The following FOXN3 variants were observed in gnomAD, a reference collection of about 807,000 sequenced individuals.
FOXN3 encodes forkhead box protein N3.
In FOXN3, 7 loss-of-function variants were observed where a neutral mutation model predicts 38.4. That is an observed-to-expected ratio of 0.18 (90% CI 0.10 to 0.34). The LOEUF is 0.34. FOXN3 is among the 10% of genes least tolerant of loss of function. The probability of loss-of-function intolerance (pLI) is 1.00; values close to 1 mark genes in which losing one functional copy is unlikely to be tolerated. For missense variants in FOXN3, 456 were observed against 613.4 expected, an observed-to-expected ratio of 0.74 and a Z score of 2.71; for synonymous variants, 230 against 242.2, an observed-to-expected ratio of 0.95 and a Z score of 0.47.
At chr14:89,394,821 C>T (rs1006892989) in intron 2 of FOXN3, among the ~76,000 whole-genome samples, 2 of 152,174 alleles carry the variant, frequency 1.3e-5, no homozygotes, top group Non-Finnish European at 2.9e-5. Flanking sequence ...CTGTGAGACA[C>T]AGGAAAGGAC....
chr14:89,279,130 C>T lies in FOXN3; in HGVS notation c.745+1820G>A, dbSNP rs76862061. Among the ~76,000 whole-genome samples, 1,302 of 152,226 alleles carry T rather than the reference C, an allele frequency of 8.6e-3. 16 individuals are homozygous for T. Among genetic ancestry groups the T allele is most frequent in the African/African-American group, 0.03 (1,243 of 41,506 alleles). On this transcript the variant is annotated intron_variant, in intron 4 of 5. Transcript: ENST00000557258. Reference sequence around the variant, plus strand: ...ATGAATGTTAACAAATCTCTGCCCACCCTCCCAAGCTCTCATCAAGATTCT... The same window carrying T: ...ATGAATGTTAACAAATCTCTGCCCATCCTCCCAAGCTCTCATCAAGATTCT...
At chr14:89,558,290 G>A (rs551462944) in intron 1 of FOXN3, among the ~76,000 whole-genome samples, 16 of 152,240 alleles carry the variant, frequency 1.1e-4, no homozygotes, top group African/African-American at 3.4e-4. Flanking sequence ...CAGGCAAAAC[G>A]TAGTATGAAG....
intron 2 of FOXN3, among the ~76,000 whole-genome samples, chr14:89,382,277 G>A (rs751618945): frequency 5.3e-5 from 8 of 151,768 alleles, no homozygotes; most frequent in African/African-American, 1.2e-4. Context: ...ATTATAACCC[G>A]GCTGGACCGC....
chr14:89,411,888 T>TAAA, intron 2 of FOXN3, 46 bp downstream of exon 2: 9 of 1,005,216 alleles, frequency 9.0e-6, no homozygotes, highest in South Asian at 6.7e-5. Flanking sequence ...AATTTTAAAT[T>TAAA]AAAAAAAAAA....
At chr14:89,517,914 G>A (rs1894238117) in intron 1 of FOXN3, among the ~76,000 whole-genome samples, 2 of 152,192 alleles carry the variant, frequency 1.3e-5, no homozygotes, top group African/African-American at 4.8e-5. Context: ...GCTGAAACGT[G>A]TTAGAGCAAA....
chr14:89,608,378 G>T (rs1460347168), intron 1 of FOXN3, among the ~76,000 whole-genome samples: 1 of 152,270 alleles, frequency 6.6e-6, no homozygotes, highest in Non-Finnish European at 1.5e-5. Flanking sequence ...CTGACCTCGT[G>T]ATCTGCCCGC....
chr14:89,478,847 G>A (rs981324311), intron 1 of FOXN3, among the ~76,000 whole-genome samples: 16 of 144,610 alleles, frequency 1.1e-4, no homozygotes, highest in Non-Finnish European at 1.2e-4. Flanking sequence ...CACGAGAATC[G>A]CTTCAACCCA....
intron 3 of FOXN3, among the ~76,000 whole-genome samples, chr14:89,283,615 G>A (rs566160614): frequency 6.6e-6 from 1 of 152,184 alleles, no homozygotes; most frequent in Non-Finnish European, 1.5e-5. Flanking sequence ...CAAAAGCGGG[G>A]AGGGTGGGAG....
intron 1 of FOXN3, among the ~76,000 whole-genome samples, chr14:89,464,278 T>C (rs185079474): frequency 5.3e-5 from 8 of 152,112 alleles, no homozygotes; most frequent in African/African-American, 1.9e-4. Context: ...GACCTGGGAG[T>C]CCCTAAGCTA....
chr14:89,213,720 GTAA>G (rs1884174957), intron 4 of FOXN3, among the ~76,000 whole-genome samples: 1 of 152,196 alleles, frequency 6.6e-6, no homozygotes, highest in Non-Finnish European at 1.5e-5. Flanking sequence ...CTGAAGAGAG[GTAA>G]TAAATAAGGC....
intron 4 of FOXN3, among the ~76,000 whole-genome samples, chr14:89,275,782 G>T (rs1886281519): frequency 6.6e-6 from 1 of 152,220 alleles, no homozygotes; most frequent in African/African-American, 2.4e-5. Flanking sequence ...TCAACTTCAT[G>T]CACATTCTAC....
intron 1 of FOXN3, among the ~76,000 whole-genome samples, chr14:89,531,043 TTTA>T (rs1434632232): frequency 6.8e-6 from 1 of 147,846 alleles, no homozygotes; most frequent in African/African-American, 2.5e-5. Flanking sequence ...TATATACACA[TTTA>T]TTATATATAC....
At chr14:89,594,073 G>C (rs182034241) in intron 1 of FOXN3, among the ~76,000 whole-genome samples, 1 of 152,188 alleles carries the variant, frequency 6.6e-6, no homozygotes, top group South Asian at 2.1e-4. Context: ...TAAAGTATTT[G>C]TGTGTGTGCA....
At chr14:89,526,991 AG>A (rs1894444524) in intron 1 of FOXN3, among the ~76,000 whole-genome samples, 2 of 150,664 alleles carry the variant, frequency 1.3e-5, no homozygotes, top group South Asian at 4.3e-4. Flanking sequence ...TAGTAGAGAA[AG>A]GGAGTTTATT....
chr14:89,234,746 G>C (rs1310473109), intron 4 of FOXN3, among the ~76,000 whole-genome samples: 1 of 151,194 alleles, frequency 6.6e-6, no homozygotes, highest in Non-Finnish European at 1.5e-5. Flanking sequence ...TCAAGGGTTG[G>C]ACAGGTGTGA....
At chr14:89,259,723 G>A (rs1038322628) in intron 4 of FOXN3, among the ~76,000 whole-genome samples, 2 of 152,184 alleles carry the variant, frequency 1.3e-5, no homozygotes, top group East Asian at 1.9e-4. Flanking sequence ...AGATGGTAGT[G>A]AGCACCAAAG....
chr14:89,374,718 T>C (rs1890420160), intron 2 of FOXN3, among the ~76,000 whole-genome samples: 1 of 152,116 alleles, frequency 6.6e-6, no homozygotes, highest in East Asian at 1.9e-4. Flanking sequence ...ATGCCTGTAA[T>C]CCCAGCACTT....
chr14:89,518,735 G>A (rs180950824), intron 1 of FOXN3, among the ~76,000 whole-genome samples: 2 of 152,332 alleles, frequency 1.3e-5, no homozygotes, highest in African/African-American at 4.8e-5. Flanking sequence ...TAAAGAATAA[G>A]TTCTGCTGTG....
At chr14:89,310,722 C>T (rs1288433373) in intron 3 of FOXN3, among the ~76,000 whole-genome samples, 1 of 152,102 alleles carries the variant, frequency 6.6e-6, no homozygotes, top group African/African-American at 2.4e-5. Context: ...ATAAAAGAGC[C>T]TTATTACCTA....
Sources: gnomAD v4.1 joint callset for allele counts (sites outside exome capture counted in the v4.1 genomes callset) on GRCh38, gnomAD v4.1.1 for gene constraint, MANE v1.5 for transcripts, NCBI Gene and HGNC (gene_info 2026-07-23, HGNC 2026-07-21) for gene names.